Variants in CDC14A observed in about 807,000 individuals in gnomAD.
CDC14A encodes the protein cell division cycle 14A.
Under a neutral mutation model 74.4 loss-of-function variants are expected in CDC14A, and 53 were observed. That is an observed-to-expected ratio of 0.71 (90% CI 0.57 to 0.89). CDC14A has a LOEUF of 0.89. Among genes scored for constraint, CDC14A ranks in the 40% least tolerant of loss-of-function variants. The probability of loss-of-function intolerance (pLI) is 0.00; values close to 1 mark genes in which losing one functional copy is unlikely to be tolerated. For missense variants in CDC14A, 646 were observed against 713.7 expected (o/e 0.91, Z 1.08); for synonymous variants, 247 against 258.4 (o/e 0.96, Z 0.43).
chr1:100,377,329 C>T (rs889059651), intron 2 of CDC14A, among the ~76,000 whole-genome samples: 4 of 152,140 alleles, frequency 2.6e-5, no homozygotes, highest in Non-Finnish European at 5.9e-5. Context: ...CATAAGCCAC[C>T]GCGCCCGGCC....
chr1:100,473,237 C>T (rs901837369), intron 10 of CDC14A, among the ~76,000 whole-genome samples: 9 of 151,898 alleles, frequency 5.9e-5, no homozygotes, highest in South Asian at 2.1e-4. Flanking sequence ...TCTTTGATTT[C>T]TTTCATCAGC....
chr1:100,433,689 C>T (rs1012880523), intron 5 of CDC14A, among the ~76,000 whole-genome samples: 2 of 152,092 alleles, frequency 1.3e-5, no homozygotes, highest in African/African-American at 4.8e-5. Context: ...GAAATGCTTT[C>T]TTATTTTGTG....
chr1:100,379,171 A>G (rs1655742693), intron 3 of CDC14A, among the ~76,000 whole-genome samples: 1 of 152,230 alleles, frequency 6.6e-6, no homozygotes. Context: ...GGTCTGACTC[A>G]GTGTTCTACT....
chr1:100,458,481 A>G (rs1201291789), intron 8 of CDC14A, among the ~76,000 whole-genome samples: 1 of 152,188 alleles, frequency 6.6e-6, no homozygotes, highest in Admixed American at 6.5e-5. Context: ...GTCAGCTTTT[A>G]TGATGCCTAG....
intron 3 of CDC14A, among the ~76,000 whole-genome samples, chr1:100,383,182 C>T (rs1207403105): frequency 6.6e-6 from 1 of 152,152 alleles, no homozygotes; most frequent in Non-Finnish European, 1.5e-5. Context: ...GCAAGAACCC[C>T]TTATGCCTGT....
intron 2 of CDC14A, among the ~76,000 whole-genome samples, chr1:100,360,603 C>T (rs1652627108): frequency 6.6e-6 from 1 of 152,098 alleles, no homozygotes; most frequent in Non-Finnish European, 1.5e-5. Flanking sequence ...CCTCGGCCTC[C>T]CAAAGTGCTG....
chr1:100,489,719 A>G (rs572084673), intron 11 of CDC14A, among the ~76,000 whole-genome samples: 4 of 152,208 alleles, frequency 2.6e-5, no homozygotes, highest in Admixed American at 1.3e-4. Flanking sequence ...AATCCTCCAA[A>G]GGGCAGTGGG....
At chr1:100,504,923 G>C (rs1018699709) in intron 15 of CDC14A, 1 of 1,531,484 alleles carries the variant, frequency 6.5e-7, no homozygotes, top group Non-Finnish European at 8.7e-7. Flanking sequence ...CATGTCTTCT[G>C]TGAAGCTCTC....
Position 100,389,843 on chromosome 1 carries a change from A to G in CDC14A, c.217-889A>G, listed in dbSNP as rs146350071. ...TTTTTTTTGCTAGCTCATTAAAGAC[A>G]GTTTATGTACCTATATTTAGAAAAT... On this transcript the variant is annotated intron_variant, in intron 3 of 15. Transcript: ENST00000336454. Among the ~76,000 whole-genome samples, 908 of 152,310 alleles carry G rather than the reference A, an allele frequency of 6.0e-3. 10 individuals carry two copies. Among genetic ancestry groups the G allele is most frequent in the African/African-American group, 0.021 (887 of 41,552 alleles).
chr1:100,490,727 T>C (rs1288011313), intron 11 of CDC14A, among the ~76,000 whole-genome samples: 2 of 152,118 alleles, frequency 1.3e-5, no homozygotes, highest in East Asian at 3.8e-4. Context: ...TAAAGAACTC[T>C]TACAAATCAC....
chr1:100,392,476 A>T (rs1657861882), intron 4 of CDC14A, among the ~76,000 whole-genome samples: 1 of 150,118 alleles, frequency 6.7e-6, no homozygotes, highest in African/African-American at 2.5e-5. Flanking sequence ...TTTTGTGAGG[A>T]CCAAATGATT....
At chr1:100,437,806 C>G (rs1571192405) in intron 5 of CDC14A, among the ~76,000 whole-genome samples, 1 of 151,984 alleles carries the variant, frequency 6.6e-6, no homozygotes, top group South Asian at 2.1e-4. Context: ...CATTGTTTAG[C>G]TGAGTCTAGG....
At chr1:100,439,301 A>G (rs1664671995) in intron 5 of CDC14A, among the ~76,000 whole-genome samples, 1 of 151,986 alleles carries the variant, frequency 6.6e-6, no homozygotes, top group African/African-American at 2.4e-5. Flanking sequence ...TAGGGGAAGG[A>G]TGGCATTTAA....
At position 100,361,110 on chromosome 1, in the gene CDC14A, A is replaced by C. The variant is rs538660739; in HGVS notation, c.140+7258A>C. ...TACCCCTTTGTGCTTAAAAAAAAAA[A>C]AACAACAAAAAACAAAAAACAAAAA... On this transcript the variant is annotated intron_variant, in intron 2 of 15. Coordinates refer to ENST00000336454, the MANE Select transcript of CDC14A (RefSeq NM_003672.4). Among the ~76,000 whole-genome samples, 35 of 152,072 alleles carry C rather than the reference A, an allele frequency of 2.3e-4. No homozygotes were observed. The East Asian group carries it at 4.0e-3, about 18-fold the overall frequency.
At chr1:100,478,010 C>T (rs1386661675) in intron 10 of CDC14A, among the ~76,000 whole-genome samples, 2 of 152,098 alleles carry the variant, frequency 1.3e-5, no homozygotes, top group Non-Finnish European at 2.9e-5. Context: ...GATGAATTTA[C>T]TTATTGGCTG....
At chr1:100,382,561 T>C (rs1656296924) in intron 3 of CDC14A, among the ~76,000 whole-genome samples, 1 of 151,910 alleles carries the variant, frequency 6.6e-6, no homozygotes, top group African/African-American at 2.4e-5. Context: ...TAATTATTGA[T>C]TTCATTTTCC....
chr1:100,393,012 T>C (rs764741134), intron 4 of CDC14A: 1 of 1,319,596 alleles, frequency 7.6e-7, no homozygotes, highest in East Asian at 2.3e-5. Context: ...GCCCAACTTT[T>C]CTACCCGCGA....
At chr1:100,365,607 G>A (rs575789351) in intron 2 of CDC14A, among the ~76,000 whole-genome samples, 2 of 152,248 alleles carry the variant, frequency 1.3e-5, no homozygotes, top group East Asian at 3.9e-4. Context: ...GGCACCCAGT[G>A]ATCTTTAGTT....
upstream of CDC14A, among the ~76,000 whole-genome samples, chr1:100,349,025 T>C (rs1650685212): frequency 6.6e-6 from 1 of 152,160 alleles, no homozygotes. Flanking sequence ...TGAAATCCTG[T>C]CTCTACCAAA....
Sources: allele counts gnomAD v4.1 joint callset (sites outside exome capture counted in the v4.1 genomes callset), GRCh38; gene constraint gnomAD v4.1.1; transcripts MANE v1.5; gene names NCBI Gene and HGNC (gene_info 2026-07-23, HGNC 2026-07-21).